The following MYO1H variants were observed in gnomAD, a reference collection of about 807,000 sequenced individuals.
The protein encoded by MYO1H is unconventional myosin-Ih.
In MYO1H, 118 loss-of-function variants were observed where a neutral mutation model predicts 149.3. The ratio of observed to expected loss-of-function variants is 0.79; its 90% CI spans 0.68 to 0.92. MYO1H has a LOEUF of 0.92. Among genes scored for constraint, MYO1H ranks in the 40% least tolerant of loss-of-function variants. MYO1H has a pLI of 0.00. For missense variants in MYO1H, 1,212 were observed against 1,280.7 expected (o/e 0.95, Z 0.82); for synonymous variants, 447 against 465.2 (o/e 0.96, Z 0.50).
intron 14 of MYO1H, among the ~76,000 whole-genome samples, chr12:109,414,821 C>T (rs1870835479): frequency 6.6e-6 from 1 of 152,094 alleles, no homozygotes; most frequent in Admixed American, 6.6e-5. Flanking sequence ...AATCCTCCCA[C>T]CTCGGCCTCC....
the MYO1H span, among the ~76,000 whole-genome samples, chr12:109,333,960 A>G: frequency 1.5e-4 from 23 of 151,936 alleles, no homozygotes; most frequent in African/African-American, 5.3e-4. Flanking sequence ...TATTACTTAT[A>G]TATTTACTTA....
At chr12:109,329,208 G>A in the MYO1H span, among the ~76,000 whole-genome samples, 2 of 152,100 alleles carry the variant, frequency 1.3e-5, no homozygotes, top group Non-Finnish European at 1.5e-5. Context: ...TTGAAAAACA[G>A]CCTGTGGCCC....
intron 1 of MYO1H, among the ~76,000 whole-genome samples, chr12:109,387,178 G>A (rs1461185255): frequency 6.6e-6 from 1 of 152,054 alleles, no homozygotes; most frequent in East Asian, 1.9e-4. Flanking sequence ...CAATCCTCCT[G>A]CCTCAGCATC....
the MYO1H span, among the ~76,000 whole-genome samples, chr12:109,318,185 A>G: frequency 1.3e-5 from 2 of 152,236 alleles, no homozygotes; most frequent in African/African-American, 4.8e-5. Flanking sequence ...CTGATTAAAG[A>G]AATATTTACA....
At chr12:109,396,647 G>A (rs1869921784) in intron 4 of MYO1H, 65 bp downstream of exon 4, 1 of 1,426,112 alleles carries the variant, frequency 7.0e-7, no homozygotes, top group African/African-American at 1.4e-5. Flanking sequence ...GACAAATCCT[G>A]TCTGGGCAGG....
chr12:109,387,111 G>A (rs1252370649), intron 1 of MYO1H, among the ~76,000 whole-genome samples: 1 of 150,766 alleles, frequency 6.6e-6, no homozygotes, highest in Non-Finnish European at 1.5e-5. Flanking sequence ...ATATTTTTAA[G>A]TAGAGATGGG....
At chr12:109,432,813 C>T in intron 19 of MYO1H, 84 bp from the exon 20 acceptor site, 4 of 1,130,690 alleles carry the variant, frequency 3.5e-6, no homozygotes, top group African/African-American at 1.5e-5. Flanking sequence ...CAGCAGTGCT[C>T]AGCAGGCCTC....
Position 109,361,959 on chromosome 12 carries a change from A to G in MYO1H, c.12+13987A>G, listed in dbSNP as rs189453485. 1.2e-3 allele frequency among the ~76,000 whole-genome samples: 183 copies of G among 152,360 alleles called. 1 individual carries two copies. Among genetic ancestry groups the G allele is most frequent in the African/African-American group, 4.1e-3 (171 of 41,588 alleles). On this transcript the variant is annotated intron_variant, in intron 1 of 31. Coordinates refer to ENST00000310903, the Ensembl canonical transcript of MYO1H. ...TCAATGCAAAGAAAACAATTGAGTC[A>G]GTAACAGAAAAGATGAGATTTGGAC...
intron 1 of MYO1H, among the ~76,000 whole-genome samples, chr12:109,352,759 A>G (rs1292686431): frequency 6.6e-6 from 1 of 152,180 alleles, no homozygotes; most frequent in Non-Finnish European, 1.5e-5. Flanking sequence ...ATAGATTTCA[A>G]AGAAAGTTGC....
intron 1 of MYO1H, among the ~76,000 whole-genome samples, chr12:109,378,982 T>C (rs573953144): frequency 2.0e-4 from 30 of 152,362 alleles, no homozygotes; most frequent in African/African-American, 7.2e-4. Context: ...TACAGCATTG[T>C]TTAATGTCTT....
At chr12:109,351,682 GAAGA>G (rs1042385659) in intron 1 of MYO1H, among the ~76,000 whole-genome samples, 11 of 152,186 alleles carry the variant, frequency 7.2e-5, no homozygotes, top group African/African-American at 2.7e-4. Context: ...TGAAAAATAA[GAAGA>G]AAGCCCCCAT....
At chr12:109,362,160 C>T (rs955105735) in intron 1 of MYO1H, among the ~76,000 whole-genome samples, 4 of 152,236 alleles carry the variant, frequency 2.6e-5, no homozygotes, top group Non-Finnish European at 5.9e-5. Flanking sequence ...GAGCTCTTCC[C>T]TATAAACCAC....
Position 109,381,269 on chromosome 12 carries a change from C to T in MYO1H, c.13-7414C>T, listed in dbSNP as rs542167601. Among the ~76,000 whole-genome samples the T allele has an allele frequency of 3.9e-5, 6 of 152,232 alleles. No individual in the cohort carries two copies. The East Asian group carries it at 5.8e-4, about 15-fold the overall frequency. On this transcript the variant is annotated intron_variant, in intron 1 of 31. Coordinates refer to ENST00000310903, the Ensembl canonical transcript of MYO1H. ...CCATGTCAGAAGGACTCGAATCACTCAGGTATGACAGCATGCACCTGTAAT... is the reference window on the plus strand; with the variant it reads ...CCATGTCAGAAGGACTCGAATCACTTAGGTATGACAGCATGCACCTGTAAT...
At chr12:109,438,894 C>T (rs1274234734) in intron 23 of MYO1H, among the ~76,000 whole-genome samples, 2 of 152,326 alleles carry the variant, frequency 1.3e-5, no homozygotes, top group Non-Finnish European at 2.9e-5. Context: ...GTGAGTGAGT[C>T]TCATGGGCTG....
Position 109,409,432 on chromosome 12 carries a change from C to A in MYO1H, c.1156-125C>A, listed in dbSNP as rs770363085. The A allele has an allele frequency of 8.4e-6, 7 of 832,716 alleles. No individual in the cohort carries two copies. In the African/African-American group the frequency reaches 1.2e-4, roughly 14 times the overall value. The allele number at this position is 832,716 out of a possible 1,614,324, so 51.6% of individuals were successfully genotyped here. A position where few individuals can be genotyped will look rare whatever the true frequency, so the allele number is the denominator to read the frequency against. ...AAATTACTTCCACCCAAAGATTTTC[C>A]GCATTGTTGGAGACAGAGGACATAT... On this transcript the variant is annotated intron_variant, in intron 10 of 31. Coordinates refer to ENST00000310903, the Ensembl canonical transcript of MYO1H.
chr12:109,399,747 T>C (rs1170265022), intron 5 of MYO1H, among the ~76,000 whole-genome samples: 1 of 151,818 alleles, frequency 6.6e-6, no homozygotes, highest in Non-Finnish European at 1.5e-5. Flanking sequence ...CCCCCGTCTT[T>C]ACAAAAAACA....
intron 27 of MYO1H, 81 bp downstream of exon 27, chr12:109,442,353 C>T (rs1392495439): frequency 1.2e-5 from 15 of 1,255,810 alleles, no homozygotes; most frequent in African/African-American, 8.8e-5. Flanking sequence ...CCATAAAGGG[C>T]GCACTATTTA....
chr12:109,349,005 G>A (rs957415336), intron 1 of MYO1H, among the ~76,000 whole-genome samples: 7 of 152,200 alleles, frequency 4.6e-5, no homozygotes, highest in Non-Finnish European at 5.9e-5. Context: ...GTCCTTGACC[G>A]AAAATGTATC....
chr12:109,330,132 G>T, the MYO1H span, among the ~76,000 whole-genome samples: 1 of 152,226 alleles, frequency 6.6e-6, no homozygotes, highest in Admixed American at 6.5e-5. Context: ...GTTGTTCCCA[G>T]TGTACCAGGT....
Sources: allele counts gnomAD v4.1 joint callset (sites outside exome capture counted in the v4.1 genomes callset), GRCh38; gene constraint gnomAD v4.1.1; transcripts MANE v1.5; gene names NCBI Gene and HGNC (gene_info 2026-07-23, HGNC 2026-07-21).